LRMDA: variants seen among roughly 807,000 people sequenced by gnomAD.
The protein encoded by LRMDA is leucine-rich melanocyte differentiation-associated protein.
In LRMDA, 18 loss-of-function variants were observed where a neutral mutation model predicts 29.8. That is an observed-to-expected ratio of 0.60 (90% confidence interval 0.42 to 0.90). The LOEUF (loss-of-function observed/expected upper bound fraction) is 0.90, where lower values mean the gene tolerates loss of function less well. Among genes scored for constraint, LRMDA ranks in the 40% least tolerant of loss-of-function variants. LRMDA has a pLI of 0.00. For missense variants in LRMDA, 273 were observed against 273.9 expected, an observed-to-expected ratio of 1.00 and a Z score of 0.02; for synonymous variants, 125 against 109.4, an observed-to-expected ratio of 1.14 and a Z score of -0.89.
At chr10:75,841,306 C>T (rs1564583094) in intron 2 of LRMDA, among the ~76,000 whole-genome samples, 2 of 152,170 alleles carry the variant, frequency 1.3e-5, no homozygotes, top group Non-Finnish European at 2.9e-5. Flanking sequence ...AGCTGTGGAT[C>T]TCCTATGGTT....
At chr10:75,761,976 T>C (rs1843103217) in intron 2 of LRMDA, among the ~76,000 whole-genome samples, 1 of 152,084 alleles carries the variant, frequency 6.6e-6, no homozygotes. Context: ...AATTTTTAAA[T>C]ACTTTTTGTA....
chr10:75,704,376 T>A (rs1226907761), intron 2 of LRMDA, among the ~76,000 whole-genome samples: 1 of 152,200 alleles, frequency 6.6e-6, no homozygotes, highest in Non-Finnish European at 1.5e-5. Flanking sequence ...ATGATTGCAT[T>A]ATTATTTTGT....
intron 2 of LRMDA, among the ~76,000 whole-genome samples, chr10:75,692,564 CGTGTGTGTGTGTGTGTGTGT>C (rs10553888): frequency 0.041 from 5,773 of 140,246 alleles, 299 homozygotes; most frequent in African/African-American, 0.12. Flanking sequence ...CATATGTATA[CGTGTGTGTGTGTGTGTGTGT>C]GTGTGTGTGT....
At chr10:76,221,051 G>T (rs1851823671) in intron 5 of LRMDA, among the ~76,000 whole-genome samples, 1 of 152,022 alleles carries the variant, frequency 6.6e-6, no homozygotes, top group African/African-American at 2.4e-5. Flanking sequence ...TGCAGAAAAG[G>T]CGTTTGACAA....
At chr10:75,792,132 G>C (rs1056573444) in intron 2 of LRMDA, among the ~76,000 whole-genome samples, 1 of 151,970 alleles carries the variant, frequency 6.6e-6, no homozygotes, top group Non-Finnish European at 1.5e-5. Flanking sequence ...TGCTGCGGGC[G>C]TGAGCCACCT....
intron 5 of LRMDA, among the ~76,000 whole-genome samples, chr10:76,245,018 G>A (rs925446326): frequency 3.3e-5 from 5 of 152,094 alleles, no homozygotes; most frequent in South Asian, 2.1e-4. Context: ...TGTTGGAGCC[G>A]TACATCTCAG....
chr10:76,407,141 G>T (rs931384280), intron 6 of LRMDA, among the ~76,000 whole-genome samples: 1 of 152,288 alleles, frequency 6.6e-6, no homozygotes, highest in East Asian at 1.9e-4. Flanking sequence ...GCTGAAGGGT[G>T]CACAGAACAG....
intron 3 of LRMDA, among the ~76,000 whole-genome samples, chr10:76,039,137 G>C (rs1318896965): frequency 2.0e-5 from 3 of 152,230 alleles, no homozygotes; most frequent in Non-Finnish European, 4.4e-5. Flanking sequence ...AATGTCCCAT[G>C]ACCAAAGCAA....
At chr10:75,488,709 T>G (rs1234565558) in intron 2 of LRMDA, among the ~76,000 whole-genome samples, 1 of 152,154 alleles carries the variant, frequency 6.6e-6, no homozygotes, top group Non-Finnish European at 1.5e-5. Flanking sequence ...AATATGCTGC[T>G]CTTCAAAGGT....
intron 5 of LRMDA, among the ~76,000 whole-genome samples, chr10:76,250,847 A>G (rs913134990): frequency 6.6e-6 from 1 of 152,304 alleles, no homozygotes; most frequent in Non-Finnish European, 1.5e-5. Context: ...TCAAAGTAGA[A>G]TTATCATAGC....
chr10:75,507,572 T>C lies in LRMDA; in HGVS notation c.131+69078T>C, dbSNP rs1242322039. On this transcript the variant is annotated intron_variant, in intron 2 of 6. Coordinates refer to ENST00000611255, the MANE Select transcript of LRMDA (RefSeq NM_001305581.2). ...GGTAAATAAGCAATGGAGTGAAAGATTGAAAAATGTGGTCTGAATTTTTTA... is the reference window on the plus strand; with the variant it reads ...GGTAAATAAGCAATGGAGTGAAAGACTGAAAAATGTGGTCTGAATTTTTTA... Among the ~76,000 whole-genome samples the C allele has an allele frequency of 3.9e-5, 6 of 152,280 alleles. No individual in the cohort carries two copies. In the East Asian group the frequency reaches 1.2e-3, roughly 29 times the overall value.
chr10:75,906,549 C>G (rs1845762105), intron 2 of LRMDA, among the ~76,000 whole-genome samples: 1 of 152,192 alleles, frequency 6.6e-6, no homozygotes, highest in African/African-American at 2.4e-5. Flanking sequence ...ACGAAAAAAG[C>G]AAACCCAATT....
intron 5 of LRMDA, among the ~76,000 whole-genome samples, chr10:76,291,929 C>T (rs947368830): frequency 6.4e-5 from 7 of 108,776 alleles, no homozygotes; most frequent in South Asian, 3.1e-4. Context: ...CACACACACA[C>T]GTGCACACAC....
rs540621204 is a variant in LRMDA at position 75,906,173 on chromosome 10, T to C, written c.132-129835T>C. On this transcript the variant is annotated intron_variant, in intron 2 of 6. Transcript: ENST00000611255. ...CTCCTTCACTTATCAAATGAGAATA[T>C]AGGAATGAAATTGCTCATACTTCAT... Among the ~76,000 whole-genome samples the C allele has an allele frequency of 7.9e-5, 12 of 152,220 alleles. No individual in the cohort carries two copies. The South Asian group carries it at 1.0e-3, about 13-fold the overall frequency.
intron 5 of LRMDA, among the ~76,000 whole-genome samples, chr10:76,133,911 C>A (rs780879986): frequency 6.6e-6 from 1 of 152,170 alleles, no homozygotes; most frequent in South Asian, 2.1e-4. Flanking sequence ...CCCACAGGGA[C>A]GAGCTTGGGT....
At chr10:76,388,602 G>A (rs1242019144) in intron 6 of LRMDA, among the ~76,000 whole-genome samples, 1 of 152,290 alleles carries the variant, frequency 6.6e-6, no homozygotes, top group African/African-American at 2.4e-5. Flanking sequence ...AGTCAGCAAA[G>A]CAGAAGCTGC....
intron 5 of LRMDA, among the ~76,000 whole-genome samples, chr10:76,301,310 T>C (rs188745108): frequency 2.0e-5 from 3 of 152,266 alleles, no homozygotes; most frequent in Middle Eastern, 3.4e-3. Context: ...GCTTATAAAT[T>C]TTTACATACA....
Position 76,264,406 on chromosome 10 carries a change from C to CAAAAAAA in LRMDA, c.517-59950_517-59944dup, listed in dbSNP as rs59846541. Among the ~76,000 whole-genome samples the CAAAAAAA allele has an allele frequency of 7.6e-4, 26 of 34,294 alleles. 3 individuals carry two copies. The highest frequency in any genetic ancestry group is 9.9e-4 in the Non-Finnish European group (19 of 19,226). The allele number at this position is 34,294 out of a possible 152,430, so 22.5% of individuals were successfully genotyped here. On this transcript the variant is annotated intron_variant, in intron 5 of 6. Coordinates refer to ENST00000611255, the MANE Select transcript of LRMDA (RefSeq NM_001305581.2). Reference sequence around the variant, plus strand: ...TGGGTAACAGAGCAAGACTCTGTCTCAAAAAAAAAAAAAAAAAAAAAAAAA... The same window carrying CAAAAAAA: ...TGGGTAACAGAGCAAGACTCTGTCTCAAAAAAAAAAAAAAAAAAAAAAAAAAAAAAAA...
intron 2 of LRMDA, among the ~76,000 whole-genome samples, chr10:75,823,651 A>C (rs185069017): frequency 6.6e-6 from 1 of 151,218 alleles, no homozygotes; most frequent in Non-Finnish European, 1.5e-5. Flanking sequence ...CAATCAACCT[A>C]AGTATCCATC....
Sources: gnomAD v4.1 joint callset for allele counts (sites outside exome capture counted in the v4.1 genomes callset) on GRCh38, gnomAD v4.1.1 for gene constraint, MANE v1.5 for transcripts, NCBI Gene and HGNC (gene_info 2026-07-23, HGNC 2026-07-21) for gene names.